Variants in CCDC126 observed in about 807,000 individuals in gnomAD.
CCDC126 encodes coiled-coil domain containing 126, also known as coiled-coil domain-containing protein 126.
A neutral mutation model predicts 11.7 loss-of-function variants in CCDC126; 5 were observed. That is an observed-to-expected ratio of 0.43 (90% confidence interval 0.22 to 0.90). CCDC126 has a LOEUF of 0.90. Among genes scored for constraint, CCDC126 ranks in the 40% least tolerant of loss-of-function variants. The pLI is 0.27. For missense variants in CCDC126, 150 were observed against 163.1 expected (o/e 0.92, Z 0.44); for synonymous variants, 60 against 61.9 (o/e 0.97, Z 0.14).
intron 3 of CCDC126, among the ~76,000 whole-genome samples, chr7:23,637,492 C>G (rs1783253339): frequency 2.1e-5 from 2 of 94,372 alleles, no homozygotes; most frequent in Admixed American, 1.1e-4. Context: ...GGGGGTCAGC[C>G]CCCCGCCCGG....
intron 3 of CCDC126, among the ~76,000 whole-genome samples, chr7:23,636,864 C>T (rs1261824017): frequency 1.8e-5 from 2 of 112,132 alleles, no homozygotes; most frequent in African/African-American, 3.6e-5. Flanking sequence ...TGAGGAGCCC[C>T]TCTGCCCGGC....
chr7:23,606,120 G>A (rs948821993), intron 2 of CCDC126, among the ~76,000 whole-genome samples: 1 of 151,860 alleles, frequency 6.6e-6, no homozygotes, highest in Admixed American at 6.6e-5. Flanking sequence ...GTGCAGTCGC[G>A]TGATCTCTGC....
rs1237607076 is a variant in CCDC126 at position 23,639,442 on chromosome 7, G to C, written c.239-3489G>C. Among the ~76,000 whole-genome samples, 47 of 152,148 alleles carry C rather than the reference G, an allele frequency of 3.1e-4. 1 individual carries two copies. Among genetic ancestry groups the C allele is most frequent in the Admixed American group, 3.1e-3 (47 of 15,282 alleles). On this transcript the variant is annotated intron_variant, in intron 3 of 3. Coordinates refer to ENST00000307471, the MANE Select transcript of CCDC126 (RefSeq NM_138771.4). The stretch of plus-strand genomic sequence containing the variant: ...TGGTCTTGAATGCCTGACCTCAAGT[G>C]ATCCATCCTGCCTCGGCCGCCCAAA...
chr7:23,640,376 A>G (rs936395485), intron 3 of CCDC126, among the ~76,000 whole-genome samples: 9 of 151,392 alleles, frequency 5.9e-5, no homozygotes, highest in Admixed American at 3.9e-4. Flanking sequence ...GCATGCCTGT[A>G]ATCCCAGCTA....
chr7:23,625,676 G>A (rs1359188396), intron 3 of CCDC126, among the ~76,000 whole-genome samples: 2 of 81,270 alleles, frequency 2.5e-5, no homozygotes, highest in Non-Finnish European at 4.4e-5. Flanking sequence ...TTTTTTTTGA[G>A]GCAGAGTCTT....
intron 2 of CCDC126, chr7:23,601,880 C>T (rs1406099509): frequency 6.6e-6 from 1 of 152,122 alleles, no homozygotes; most frequent in Non-Finnish European, 1.5e-5. Flanking sequence ...GTGACTGCGT[C>T]TTGCAGTGTT....
intron 2 of CCDC126, among the ~76,000 whole-genome samples, chr7:23,602,932 T>C (rs1782567233): frequency 1.3e-5 from 2 of 152,308 alleles, no homozygotes; most frequent in South Asian, 4.1e-4. Flanking sequence ...CTTTCACATC[T>C]ATGGTTCCTG....
chr7:23,611,406 C>T lies in CCDC126; in HGVS notation c.91C>T (p.His31Tyr), dbSNP rs536906722. 9.9e-6 allele frequency: 16 copies of T among 1,613,544 alleles called. No individual in the cohort carries two copies. The East Asian group carries it at 3.1e-4, about 31-fold the overall frequency. Residue 31 changes from histidine (H) to tyrosine (Y), a missense_variant, in exon 3 of 4, where the codon CAC (histidine) becomes TAC (tyrosine). His to Tyr is a moderately conservative substitution (Grantham distance 83). Coordinates refer to ENST00000307471, the MANE Select transcript of CCDC126 (RefSeq NM_138771.4). ...ACTCATTTGGGGATTGATGTTACTG[C>T]ACTATACTTTTCAACAACCAAGACA... Reference protein sequence around the residue: ...FGLIWGLMLLHYTFQQPRHQS... With the variant: ...FGLIWGLMLLYYTFQQPRHQS...
chr7:23,610,855 G>T (rs1305611253), intron 2 of CCDC126, among the ~76,000 whole-genome samples: 1 of 151,882 alleles, frequency 6.6e-6, no homozygotes, highest in African/African-American at 2.4e-5. Context: ...TATTTGAATA[G>T]ACTGAGATCT....
At chr7:23,631,435 C>G (rs74818630) in intron 3 of CCDC126, among the ~76,000 whole-genome samples, 215 of 152,146 alleles carry the variant, frequency 1.4e-3, no homozygotes, top group African/African-American at 5.1e-3. Context: ...CGCAATCCAC[C>G]CAATATGAAA....
At chr7:23,618,165 G>C (rs1380451304) in intron 3 of CCDC126, among the ~76,000 whole-genome samples, 1 of 152,202 alleles carries the variant, frequency 6.6e-6, no homozygotes, top group Non-Finnish European at 1.5e-5. Context: ...GCAGAATATT[G>C]CCAACTAGGG....
intron 3 of CCDC126, among the ~76,000 whole-genome samples, chr7:23,629,831 T>G (rs1015802399): frequency 2.0e-5 from 3 of 152,102 alleles, no homozygotes; most frequent in African/African-American, 7.2e-5. Flanking sequence ...TTCCAGAACC[T>G]CTGGGACCAT....
At chr7:23,599,030 C>T (rs1443613984) in intron 2 of CCDC126, among the ~76,000 whole-genome samples, 1 of 152,094 alleles carries the variant, frequency 6.6e-6, no homozygotes, top group Non-Finnish European at 1.5e-5. Flanking sequence ...TTTCTTCCTG[C>T]TTCAGGTCAT....
chr7:23,615,932 A>G (rs1311361283), intron 3 of CCDC126, among the ~76,000 whole-genome samples: 1 of 152,246 alleles, frequency 6.6e-6, no homozygotes, highest in African/African-American at 2.4e-5. Flanking sequence ...AATTACCCAA[A>G]TGTGACAGAG....
At chr7:23,612,500 AAC>A (rs1782733576) in intron 3 of CCDC126, among the ~76,000 whole-genome samples, 1 of 136,134 alleles carries the variant, frequency 7.3e-6, no homozygotes. Context: ...AAAAAAAAAA[AAC>A]AAAGAAAAAA....
At chr7:23,624,110 A>C (rs1336641506) in intron 3 of CCDC126, among the ~76,000 whole-genome samples, 1 of 152,202 alleles carries the variant, frequency 6.6e-6, no homozygotes, top group Non-Finnish European at 1.5e-5. Context: ...AGGTCTGCTA[A>C]GTCAGTTACC....
intron 3 of CCDC126, among the ~76,000 whole-genome samples, 166 bp downstream of exon 3, chr7:23,611,719 T>TA (rs1219325357): frequency 6.6e-6 from 1 of 152,230 alleles, no homozygotes; most frequent in Non-Finnish European, 1.5e-5. Flanking sequence ...CTATGATAAA[T>TA]ACGTACATAT....
intron 3 of CCDC126, among the ~76,000 whole-genome samples, chr7:23,638,590 G>A (rs1783288090): frequency 8.0e-6 from 1 of 124,632 alleles, no homozygotes; most frequent in Non-Finnish European, 1.6e-5. Context: ...GAAGGCCGCA[G>A]GGTCCTCTGC....
intron 2 of CCDC126, among the ~76,000 whole-genome samples, chr7:23,606,096 T>C (rs1175051667): frequency 6.6e-6 from 1 of 152,130 alleles, no homozygotes; most frequent in Non-Finnish European, 1.5e-5. Flanking sequence ...TCTTGCTCTG[T>C]CGCCCAGGCT....
Sources: allele counts gnomAD v4.1 joint callset (sites outside exome capture counted in the v4.1 genomes callset), GRCh38; gene constraint gnomAD v4.1.1; transcripts MANE v1.5; gene names NCBI Gene and HGNC (gene_info 2026-07-23, HGNC 2026-07-21).